BCL11A: variants seen among roughly 807,000 people sequenced by gnomAD.
BCL11A encodes the protein B cell CLL/lymphoma 11A.
A neutral mutation model predicts 55.9 loss-of-function variants in BCL11A; 2 were observed. The ratio of observed to expected loss-of-function variants is 0.04; its 90% confidence interval spans 0.01 to 0.11. The LOEUF (loss-of-function observed/expected upper bound fraction) is 0.11, where lower values mean the gene tolerates loss of function less well. BCL11A is among the 10% of genes least tolerant of loss of function. BCL11A has a pLI of 1.00. For synonymous variants in BCL11A, 465 were observed against 473.4 expected, an observed-to-expected ratio of 0.98 and a Z score of 0.23; for missense variants, 817 against 1,137.1, an observed-to-expected ratio of 0.72 and a Z score of 4.05.
At position 60,461,421 on chromosome 2, in the gene BCL11A, CTCT is replaced by C. The variant is rs780350481; in HGVS notation, c.1488_1490del (p.Glu504del). The C allele has an allele frequency of 1.2e-6, 2 of 1,604,202 alleles. No homozygotes were observed. Among genetic ancestry groups the C allele is most frequent in the Non-Finnish European group, 8.5e-7 (1 of 1,178,594 alleles). On this transcript the variant is annotated inframe_deletion, in exon 4 of 4. Coordinates refer to ENST00000642384, the MANE Select transcript of BCL11A (RefSeq NM_022893.4). ...TCAGCTCCTCCTCCTCCTCTTCCTC[CTCT>C]TCTTCCTCTTCCTCGTCGTCCTCCT...
chr2:60,454,069 C>A (rs1261384222), downstream of BCL11A, among the ~76,000 whole-genome samples: 1 of 151,944 alleles, frequency 6.6e-6, no homozygotes, highest in South Asian at 2.1e-4. Context: ...AGAGAAACAG[C>A]CCCATTCCCC....
At position 60,468,745 on chromosome 2, in the gene BCL11A, G is replaced by A; in HGVS notation, c.474C>T (p.Ala158=). Residue 158 remains alanine, a synonymous_variant, in exon 3 of 4, where the codon GCC becomes GCT. Transcript: ENST00000642384. ...IPTPGMSAEY[A]PQGICKDEPS... is the part of the protein sequence containing the mutation. ...GGCTCAACTTACAAATACCCTGCGG[G>A]GCATATTCTGCACTCATCCCAGGCG... The A allele has an allele frequency of 6.2e-7, 1 of 1,611,780 alleles. No individual in the cohort carries two copies. The highest frequency in any genetic ancestry group is 8.5e-7 in the Non-Finnish European group (1 of 1,178,372).
chr2:60,462,035 G>A lies in BCL11A; in HGVS notation c.877C>T (p.His293Tyr). 1 of 1,609,830 alleles carries A rather than the reference G, an allele frequency of 6.2e-7. No homozygotes were observed. Among genetic ancestry groups the A allele is most frequent in the Admixed American group, 1.7e-5 (1 of 59,706 alleles). Residue 293 changes from histidine to tyrosine, a missense_variant, in exon 4 of 4, where the codon CAC becomes TAC. By Grantham distance (83) the His-to-Tyr change is moderately conservative. Coordinates refer to ENST00000642384, the MANE Select transcript of BCL11A (RefSeq NM_022893.4). ...GAEEMALATH[H>Y]PSAFDRVLRL... ...AGCACCCTGTCAAAGGCACTCGGGT[G>A]ATGGGTGGCCAGGGCCATCTCTTCC...
chr2:60,459,383 T>C lies in BCL11A; in HGVS notation c.*1021A>G, dbSNP rs1676108024. 2 of 1,020,390 alleles carry C rather than the reference T, an allele frequency of 2.0e-6. No individual in the cohort carries two copies. Among genetic ancestry groups the C allele is most frequent in the Non-Finnish European group, 2.4e-6 (2 of 850,282 alleles). 63.2% of individuals were successfully genotyped at this position (1,020,390 alleles called of 1,614,324 possible). A position where few individuals can be genotyped will look rare whatever the true frequency, so the allele number is the denominator to read the frequency against. On this transcript the variant is annotated 3_prime_UTR_variant, in exon 4 of 4. Transcript: ENST00000642384. ...CACATTACACATTCAATTTAATCATTGTTTAAAAAAAATAAAACTTTGGGC... is the reference window on the plus strand; with the variant it reads ...CACATTACACATTCAATTTAATCATCGTTTAAAAAAAATAAAACTTTGGGC...
chr2:60,488,799 G>A (rs557928731), intron 2 of BCL11A, among the ~76,000 whole-genome samples: 1 of 151,758 alleles, frequency 6.6e-6, no homozygotes, highest in Admixed American at 6.5e-5. Context: ...CGCTCTTGTT[G>A]CCCGGGCTGG....
chr2:60,494,112 A>G (rs929977914), intron 2 of BCL11A, among the ~76,000 whole-genome samples: 1 of 152,178 alleles, frequency 6.6e-6, no homozygotes, highest in African/African-American at 2.4e-5. Flanking sequence ...ACAGAGAGAA[A>G]GTGAAGCCCC....
exon 5 of BCL11A, chr2:60,451,337 T>C (rs1675715053): frequency 4.4e-6 from 1 of 228,018 alleles, no homozygotes; most frequent in Non-Finnish European, 8.7e-6. Flanking sequence ...CTGAGCTCTA[T>C]TATTGACAAA....
intron 2 of BCL11A, among the ~76,000 whole-genome samples, chr2:60,474,953 A>T (rs1028616210): frequency 5.3e-5 from 8 of 152,238 alleles, no homozygotes; most frequent in African/African-American, 1.9e-4. Context: ...CTGCTATGGA[A>T]ATTCAAAGGA....
chr2:60,451,358 TTTGCTATG>T (rs1675716134), exon 5 of BCL11A: 1 of 228,056 alleles, frequency 4.4e-6, no homozygotes, highest in African/African-American at 2.2e-5. Context: ...CCTATTTTAA[TTTGCTATG>T]TTGTTTCTAA....
chr2:60,520,378 A>T (rs747862200), intron 2 of BCL11A, among the ~76,000 whole-genome samples: 4 of 152,110 alleles, frequency 2.6e-5, no homozygotes, highest in Non-Finnish European at 4.4e-5. Flanking sequence ...AAACTGAATT[A>T]TTTGCATAAT....
chr2:60,467,693 G>A (rs1190748465), intron 3 of BCL11A, among the ~76,000 whole-genome samples: 2 of 105,486 alleles, frequency 1.9e-5, no homozygotes, highest in East Asian at 6.1e-4. Flanking sequence ...GGTGGTGGTG[G>A]TGGTGATGGT....
Position 60,467,645 on chromosome 2 carries a change from G to T in BCL11A, c.487+1087C>A, listed in dbSNP as rs796305664. ...GGTGGTAATGGTGGTGGTGGTGATG[G>T]TGGTGATGATGGTGATGGTACTGGT... is the stretch of plus-strand genomic sequence containing the variant. On this transcript the variant is annotated intron_variant, in intron 3 of 3. Coordinates refer to ENST00000642384, the MANE Select transcript of BCL11A (RefSeq NM_022893.4). Among the ~76,000 whole-genome samples the T allele has an allele frequency of 2.1e-5, 2 of 96,818 alleles. 1 individual carries two copies. The highest frequency in any genetic ancestry group is 4.4e-5 in the Non-Finnish European group (2 of 45,864). The allele number at this position is 96,818 out of a possible 152,430, so 63.5% of individuals were successfully genotyped here.
chr2:60,532,580 G>A (rs1669507916), intron 2 of BCL11A, among the ~76,000 whole-genome samples: 1 of 151,820 alleles, frequency 6.6e-6, no homozygotes, highest in Non-Finnish European at 1.5e-5. Context: ...AGAAAAAAAA[G>A]GAAAGAAAAA....
chr2:60,519,539 TTGCCTGCCTGCCTGCC>T lies in BCL11A; in HGVS notation c.385+26416_385+26431del, dbSNP rs3028029. 1.8e-4 allele frequency among the ~76,000 whole-genome samples: 26 copies of T among 147,530 alleles called. 1 individual carries two copies. Among genetic ancestry groups the T allele is most frequent in the Non-Finnish European group, 1.8e-4 (12 of 66,622 alleles). Reference sequence around the variant, plus strand: ...TGCAGAGAAAAAATAAGGTCCTCACTTGCCTGCCTGCCTGCCTGCCTGCCTGCCTGCCTGCCTGCCT... The same window carrying T: ...TGCAGAGAAAAAATAAGGTCCTCACTTGCCTGCCTGCCTGCCTGCCTGCCT... On this transcript the variant is annotated intron_variant, in intron 2 of 3. Transcript: ENST00000642384.
chr2:60,518,261 C>T (rs28366455), intron 2 of BCL11A, among the ~76,000 whole-genome samples: 59,965 of 152,020 alleles, frequency 0.39, 12,645 homozygotes, highest in African/African-American at 0.49. Flanking sequence ...CCTCTGTCAA[C>T]ATCTGCTGAG....
At position 60,545,772 on chromosome 2, in the gene BCL11A, C is replaced by T. The variant is rs532529937; in HGVS notation, c.385+199G>A. The T allele has an allele frequency of 4.8e-4, 279 of 582,162 alleles. No individual in the cohort carries two copies. In the African/African-American group the frequency reaches 4.8e-3, roughly 10 times the overall value. The allele number at this position is 582,162 out of a possible 1,614,324, so 36.1% of individuals were successfully genotyped here. ...GTACCTATCCTGCCTACATCTGATT[C>T]AGTGAGGTGGAAAATATTTATTTTT... On this transcript the variant is annotated intron_variant, in intron 2 of 3. Coordinates refer to ENST00000642384, the MANE Select transcript of BCL11A (RefSeq NM_022893.4).
At chr2:60,492,746 A>T (rs2104326950) in intron 2 of BCL11A, among the ~76,000 whole-genome samples, 1 of 152,258 alleles carries the variant, frequency 6.6e-6, no homozygotes, top group Non-Finnish European at 1.5e-5. Context: ...TCTTGAGGAG[A>T]CCCAAACAGT....
At chr2:60,467,991 T>TGGTG (rs2103969089) in intron 3 of BCL11A, among the ~76,000 whole-genome samples, 1 of 58,614 alleles carries the variant, frequency 1.7e-5, no homozygotes, top group Admixed American at 1.9e-4. Context: ...ATGGTGGTGG[T>TGGTG]AATGGTGGTG....
At chr2:60,552,912 T>G (rs1670481766) in intron 1 of BCL11A, among the ~76,000 whole-genome samples, 2 of 151,820 alleles carry the variant, frequency 1.3e-5, no homozygotes, top group South Asian at 4.2e-4. Flanking sequence ...GTGGAATCAT[T>G]GCATTCCTTT....
Sources: gnomAD v4.1 joint callset for allele counts (sites outside exome capture counted in the v4.1 genomes callset) on GRCh38, gnomAD v4.1.1 for gene constraint, MANE v1.5 for transcripts, NCBI Gene and HGNC (gene_info 2026-07-23, HGNC 2026-07-21) for gene names.